Variants in PLEKHA2 observed in about 807,000 individuals in gnomAD.
PLEKHA2 encodes the protein pleckstrin homology domain containing A2.
In PLEKHA2, 28 loss-of-function variants were observed where a neutral mutation model predicts 53.2. That is an observed-to-expected ratio of 0.53 (90% CI 0.39 to 0.72). The LOEUF (loss-of-function observed/expected upper bound fraction) is 0.72, where lower values mean the gene tolerates loss of function less well. PLEKHA2 is among the 30% of genes least tolerant of loss of function. PLEKHA2 has a pLI of 0.00. For synonymous variants in PLEKHA2, 193 were observed against 196.4 expected, an observed-to-expected ratio of 0.98 and a Z score of 0.14; for missense variants, 426 against 537.9, an observed-to-expected ratio of 0.79 and a Z score of 2.06.
chr8:38,952,543 T>TG, intron 7 of PLEKHA2, 93 bp from the exon 8 acceptor site: 1 of 1,426,798 alleles, frequency 7.0e-7, no homozygotes, highest in Non-Finnish European at 9.6e-7. Context: ...CGGACTTCCA[T>TG]GGGGCTGGGT....
At chr8:38,918,350 CACACACCATAT>C (rs1386907117) in intron 2 of PLEKHA2, among the ~76,000 whole-genome samples, 1 of 148,228 alleles carries the variant, frequency 6.7e-6, no homozygotes, top group African/African-American at 2.5e-5. Flanking sequence ...TACACACATG[CACACACCATAT>C]ACACACCACA....
intron 10 of PLEKHA2, among the ~76,000 whole-genome samples, chr8:38,964,607 T>G (rs1050390293): frequency 6.6e-6 from 1 of 152,102 alleles, no homozygotes; most frequent in Admixed American, 6.5e-5. Context: ...GACCACTGTT[T>G]TAGAGGACTA....
rs372773208 is a variant in PLEKHA2 at position 38,952,154 on chromosome 8, G to A, written c.487-12G>A. 3.2e-5 allele frequency: 52 copies of A among 1,610,768 alleles called. No homozygotes were observed. Among genetic ancestry groups the A allele is most frequent in the Admixed American group, 2.2e-4 (13 of 59,682 alleles). On this transcript the variant is annotated splice_polypyrimidine_tract_variant and intron_variant, in intron 6 of 11. Coordinates refer to ENST00000617275, the MANE Select transcript of PLEKHA2 (RefSeq NM_021623.2). ...GGAGGGAGGCGCTGATACTGACACT[G>A]TTTCCTTGCAGAACGGTGGGGATGG... is the stretch of plus-strand genomic sequence containing the variant.
intron 5 of PLEKHA2, among the ~76,000 whole-genome samples, chr8:38,949,895 A>T (rs907872851): frequency 1.3e-5 from 2 of 152,150 alleles, no homozygotes; most frequent in Admixed American, 1.3e-4. Flanking sequence ...GGTTCGTGAG[A>T]GGTGAAGGGT....
At chr8:38,905,034 C>T (rs911737168) in intron 1 of PLEKHA2, among the ~76,000 whole-genome samples, 1 of 152,098 alleles carries the variant, frequency 6.6e-6, no homozygotes, top group Non-Finnish European at 1.5e-5. Context: ...AACTTTTCTG[C>T]GTTTGAATCC....
intron 1 of PLEKHA2, among the ~76,000 whole-genome samples, chr8:38,915,733 G>A (rs1207811832): frequency 6.6e-6 from 1 of 152,170 alleles, no homozygotes. Flanking sequence ...CTACCTCAAG[G>A]CTCCAGAAAC....
intron 3 of PLEKHA2, among the ~76,000 whole-genome samples, chr8:38,941,923 G>A (rs1231064796): frequency 6.6e-6 from 1 of 152,102 alleles, no homozygotes; most frequent in Non-Finnish European, 1.5e-5. Flanking sequence ...TTTATTTGGG[G>A]CAATATTAAT....
intron 5 of PLEKHA2, among the ~76,000 whole-genome samples, chr8:38,948,770 C>A (rs572600577): frequency 6.6e-6 from 1 of 152,110 alleles, no homozygotes; most frequent in East Asian, 1.9e-4. Context: ...GGTGACGTCC[C>A]GGCAGATAGA....
intron 1 of PLEKHA2, among the ~76,000 whole-genome samples, chr8:38,911,141 A>G (rs768768148): frequency 6.6e-6 from 1 of 152,196 alleles, no homozygotes; most frequent in Admixed American, 6.5e-5. Flanking sequence ...TGTGAAGGCC[A>G]GGAAGCTACT....
At position 38,917,889 on chromosome 8, in the gene PLEKHA2, C is replaced by T. The variant is rs181739899; in HGVS notation, c.-23-18C>T. ...TGCTTCATCTTCCTTCTCATCAGCA[C>T]CTCCCTCCTGCGCGCAGGGTGATGT... On this transcript the variant is annotated intron_variant, in intron 1 of 11. Transcript: ENST00000617275. 42 of 1,605,132 alleles carry T rather than the reference C, an allele frequency of 2.6e-5. No individual in the cohort carries two copies. The African/African-American group carries it at 3.7e-4, about 14-fold the overall frequency.
chr8:38,917,370 T>C (rs1457850416), intron 1 of PLEKHA2, among the ~76,000 whole-genome samples: 1 of 152,222 alleles, frequency 6.6e-6, no homozygotes, highest in Non-Finnish European at 1.5e-5. Context: ...GATGTTTGAA[T>C]TGGAGCTTAC....
intron 2 of PLEKHA2, among the ~76,000 whole-genome samples, chr8:38,931,005 T>C (rs1005199024): frequency 6.6e-6 from 1 of 152,132 alleles, no homozygotes; most frequent in Non-Finnish European, 1.5e-5. Flanking sequence ...CCAGGAGACA[T>C]GGTGGCCCAT....
In PLEKHA2 at chr8:38,928,644, C is replaced by T. The variant is rs142679915; in HGVS notation, c.142-7350C>T. Among the ~76,000 whole-genome samples the T allele has an allele frequency of 1.2e-3, 180 of 152,236 alleles. 2 individuals are homozygous for T. The Middle Eastern group carries it at 0.017, about 14-fold the overall frequency. On this transcript the variant is annotated intron_variant, in intron 2 of 11. Coordinates refer to ENST00000617275, the MANE Select transcript of PLEKHA2 (RefSeq NM_021623.2). ...AGACTTAACACACAATGAAACTTAT[C>T]CTGTCTAAAGCTGATACTGGTGTCT...
chr8:38,905,068 T>A (rs1447592149), intron 1 of PLEKHA2, among the ~76,000 whole-genome samples: 1 of 152,048 alleles, frequency 6.6e-6, no homozygotes, highest in East Asian at 1.9e-4. Flanking sequence ...TCAAGACTCA[T>A]GCTCTTTCCC....
At chr8:38,944,974 T>G (rs1217790567) in intron 4 of PLEKHA2, among the ~76,000 whole-genome samples, 1 of 152,172 alleles carries the variant, frequency 6.6e-6, no homozygotes, top group African/African-American at 2.4e-5. Context: ...GAGACGCAGA[T>G]GGCAGTGCCA....
chr8:38,920,074 T>A (rs1425180231), intron 2 of PLEKHA2, among the ~76,000 whole-genome samples: 2 of 151,512 alleles, frequency 1.3e-5, no homozygotes, highest in Non-Finnish European at 1.5e-5. Flanking sequence ...TGGATTTAAG[T>A]GATTCTCCTG....
chr8:38,944,467 A>G (rs1834670230), intron 4 of PLEKHA2, among the ~76,000 whole-genome samples: 1 of 151,500 alleles, frequency 6.6e-6, no homozygotes. Flanking sequence ...CAGTGAGCTG[A>G]TTTCAGGCCA....
At chr8:38,904,181 C>G (rs1224004790) in intron 1 of PLEKHA2, among the ~76,000 whole-genome samples, 1 of 152,100 alleles carries the variant, frequency 6.6e-6, no homozygotes, top group African/African-American at 2.4e-5. Flanking sequence ...GTAGTGAGAC[C>G]CTACTGTTCC....
chr8:38,943,735 C>T lies in PLEKHA2; in HGVS notation c.199-54C>T, dbSNP rs1834655165. ...TATGAGAAATTTCACAATAAGAAATCTTCAACATTGTAAGACACATATTCA... is the reference window on the plus strand; with the variant it reads ...TATGAGAAATTTCACAATAAGAAATTTTCAACATTGTAAGACACATATTCA... On this transcript the variant is annotated intron_variant, in intron 3 of 11. Transcript: ENST00000617275. The T allele has an allele frequency of 1.4e-5, 19 of 1,370,158 alleles. No homozygotes were observed. The South Asian group carries it at 2.3e-4, about 17-fold the overall frequency. The allele number at this position is 1,370,158 out of a possible 1,614,324, so 84.9% of individuals were successfully genotyped here.
Sources: gnomAD v4.1 joint callset for allele counts (sites outside exome capture counted in the v4.1 genomes callset) on GRCh38, gnomAD v4.1.1 for gene constraint, MANE v1.5 for transcripts, NCBI Gene and HGNC (gene_info 2026-07-23, HGNC 2026-07-21) for gene names.